Variants in HECW2 observed in about 807,000 individuals in gnomAD.
The protein encoded by HECW2 is HECT, C2 and WW domain containing E3 ubiquitin protein ligase 2.
HECW2 carries 61 observed loss-of-function variants against 175.2 expected under a neutral mutation model. The ratio of observed to expected loss-of-function variants is 0.35; its 90% CI spans 0.28 to 0.43. HECW2 has a LOEUF of 0.43. Among genes scored for constraint, HECW2 ranks in the 20% least tolerant of loss-of-function variants. The probability of loss-of-function intolerance (pLI) is 1.00; values close to 1 mark genes in which losing one functional copy is unlikely to be tolerated. For missense variants in HECW2, 1,524 were observed against 2,000.5 expected, an observed-to-expected ratio of 0.76 and a Z score of 4.54; for synonymous variants, 671 against 731.0, an observed-to-expected ratio of 0.92 and a Z score of 1.32.
Position 196,319,229 on chromosome 2 carries a change from G to A in HECW2, c.1661C>T (p.Pro554Leu), listed in dbSNP as rs772769670. 2 of 1,597,262 alleles carry A rather than the reference G, an allele frequency of 1.3e-6. No individual in the cohort carries two copies. Among genetic ancestry groups the A allele is most frequent in the Non-Finnish European group, 1.7e-6 (2 of 1,172,176 alleles). ...CTGGTCAGCACTGGGTTGAGGCTCT[G>A]GGCCGCCTTCACCTTCCTCTGGGGC... ...GPAPEEGEGG[P>L]EPQPSADQGS... Residue 554 changes from proline to leucine, a missense_variant, in exon 9 of 29, where the codon CCA becomes CTA. Transcript: ENST00000644978.
At chr2:196,383,211 G>C (rs997898239) in intron 2 of HECW2, among the ~76,000 whole-genome samples, 1 of 152,216 alleles carries the variant, frequency 6.6e-6, no homozygotes, top group African/African-American at 2.4e-5. Context: ...ACTGCTGCCA[G>C]CAACATTAAA....
intron 2 of HECW2, among the ~76,000 whole-genome samples, chr2:196,395,595 C>T (rs767963543): frequency 1.3e-4 from 19 of 151,936 alleles, no homozygotes; most frequent in Non-Finnish European, 2.6e-4. Flanking sequence ...CAAATGACCA[C>T]TAAGCACATT....
At chr2:196,229,998 C>T (rs1257214510) in intron 21 of HECW2, among the ~76,000 whole-genome samples, 2 of 152,188 alleles carry the variant, frequency 1.3e-5, no homozygotes, top group African/African-American at 4.8e-5. Flanking sequence ...AAAATCCTCA[C>T]ACCCATACTG....
intron 1 of HECW2, among the ~76,000 whole-genome samples, chr2:196,495,797 A>G (rs951416462): frequency 6.6e-6 from 1 of 152,250 alleles, no homozygotes; most frequent in Non-Finnish European, 1.5e-5. Context: ...CTCTTAGCAC[A>G]GGGCACAGGC....
At chr2:196,448,027 C>T (rs1479884223) in intron 1 of HECW2, among the ~76,000 whole-genome samples, 1 of 152,194 alleles carries the variant, frequency 6.6e-6, no homozygotes, top group East Asian at 1.9e-4. Flanking sequence ...CCACTGCACT[C>T]CATCCTCGGC....
At chr2:196,260,225 T>TG (rs1285325769) in intron 17 of HECW2, 1 of 152,224 alleles carries the variant, frequency 6.6e-6, no homozygotes, top group African/African-American at 2.4e-5. Flanking sequence ...TGAAGGCAAC[T>TG]GGTCTGATTT....
chr2:196,569,038 TG>T (rs1318864966), intron 1 of HECW2, among the ~76,000 whole-genome samples: 1 of 152,230 alleles, frequency 6.6e-6, no homozygotes, highest in Non-Finnish European at 1.5e-5. Flanking sequence ...TTCACAGCTT[TG>T]TTATAAAATA....
In HECW2 at chr2:196,433,407, C is replaced by G; in HGVS notation, c.17G>C (p.Arg6Pro). MASSA[R>P]EHLLFVRRRN... ...ACGCCTCACAAAAAGCAGGTGCTCCCGGGCTGAACTAGCCATCCCGTCTGC... is the reference window on the plus strand; with the variant it reads ...ACGCCTCACAAAAAGCAGGTGCTCCGGGGCTGAACTAGCCATCCCGTCTGC... Residue 6 changes from arginine (R) to proline (P), a missense_variant, in exon 2 of 29, where the codon CGG becomes CCG. By Grantham distance (103) the Arg-to-Pro change is moderately radical (BLOSUM62 -2). Coordinates refer to ENST00000644978, the MANE Select transcript of HECW2 (RefSeq NM_001348768.2). The G allele has an allele frequency of 6.2e-7, 1 of 1,613,588 alleles. No homozygotes were observed. The highest frequency in any genetic ancestry group is 8.5e-7 in the Non-Finnish European group (1 of 1,179,740).
At chr2:196,513,014 T>C (rs538494883) in intron 1 of HECW2, among the ~76,000 whole-genome samples, 75 of 152,250 alleles carry the variant, frequency 4.9e-4, no homozygotes, top group African/African-American at 1.8e-3. Flanking sequence ...TAATATACTA[T>C]TAGCACAAGA....
chr2:196,449,421 G>A (rs1014881457), intron 1 of HECW2, among the ~76,000 whole-genome samples: 5 of 152,186 alleles, frequency 3.3e-5, no homozygotes, highest in African/African-American at 1.2e-4. Context: ...AATGATTTCT[G>A]CAGAATAGAT....
intron 7 of HECW2, among the ~76,000 whole-genome samples, chr2:196,321,753 C>T (rs1320444013): frequency 6.6e-6 from 1 of 152,152 alleles, no homozygotes; most frequent in Non-Finnish European, 1.5e-5. Context: ...AATCACTCCA[C>T]CTCTGCCCTC....
chr2:196,405,690 T>C (rs1306323014), intron 2 of HECW2, among the ~76,000 whole-genome samples: 1 of 152,246 alleles, frequency 6.6e-6, no homozygotes, highest in Non-Finnish European at 1.5e-5. Flanking sequence ...TATTCATTAA[T>C]GTGCAAACAT....
chr2:196,240,824 A>C (rs1688423341), intron 20 of HECW2, among the ~76,000 whole-genome samples: 1 of 122,154 alleles, frequency 8.2e-6, no homozygotes, highest in African/African-American at 2.9e-5. Flanking sequence ...TAAATGGTCA[A>C]ATCAGTTTAT....
rs202177077 is a variant in HECW2, at chr2:196,220,779, T to A, written c.4293+16A>T. On this transcript the variant is annotated intron_variant, in intron 25 of 28. Coordinates refer to ENST00000644978, the MANE Select transcript of HECW2 (RefSeq NM_001348768.2). ...ATATCAGACTGCAAACTCCTCCTAC[T>A]GCTGATTGTCTTTACCTCATAGAAG... 60 of 1,613,740 alleles carry A rather than the reference T, an allele frequency of 3.7e-5. No individual in the cohort carries two copies. The Middle Eastern group carries it at 4.9e-4, about 13-fold the overall frequency.
rs761381021 is a variant in HECW2, at chr2:196,199,716, C to G, written c.*1561G>C. 2 of 152,140 alleles carry G rather than the reference C, an allele frequency of 1.3e-5. No homozygotes were observed. The highest frequency in any genetic ancestry group is 2.4e-5 in the African/African-American group (1 of 41,430). 9.4% of individuals were successfully genotyped at this position (152,140 alleles called of 1,614,324 possible). A position where few individuals can be genotyped will look rare whatever the true frequency, so the allele number is the denominator to read the frequency against. On this transcript the variant is annotated 3_prime_UTR_variant, in exon 29 of 29. Transcript: ENST00000644978. ...AATTTAACTTCACTCTATTGAAAAT[C>G]TGATTAGTCAAGAAATAAACAAAGA...
rs567734816 is a variant in HECW2 at position 196,453,642 on chromosome 2, T to C, written c.-35-20184A>G. On this transcript the variant is annotated intron_variant, in intron 1 of 28. Transcript: ENST00000644978. ...TCTGCTTTAACAGTCAGTGATAGCT[T>C]ATATTTAGTTACTTTAACAGAGTTC... Among the ~76,000 whole-genome samples, 17 of 152,334 alleles carry C rather than the reference T, an allele frequency of 1.1e-4. No homozygotes were observed. In the South Asian group the frequency reaches 3.5e-3, roughly 32 times the overall value.
intron 2 of HECW2, among the ~76,000 whole-genome samples, chr2:196,418,034 A>G (rs1277497163): frequency 6.6e-6 from 1 of 152,206 alleles, no homozygotes; most frequent in Non-Finnish European, 1.5e-5. Flanking sequence ...TAGGTTAGTC[A>G]TTCATTAACA....
chr2:196,341,787 T>G (rs1692760461), intron 3 of HECW2, among the ~76,000 whole-genome samples: 1 of 152,222 alleles, frequency 6.6e-6, no homozygotes, highest in African/African-American at 2.4e-5. Context: ...GAAGCAGGAT[T>G]AGAGAAAGTT....
At chr2:196,546,574 A>G (rs1452468817) in intron 1 of HECW2, among the ~76,000 whole-genome samples, 2 of 152,224 alleles carry the variant, frequency 1.3e-5, no homozygotes, top group East Asian at 3.9e-4. Context: ...TAACCTTTGC[A>G]AAATGTATCC....
Sources: allele counts gnomAD v4.1 joint callset (sites outside exome capture counted in the v4.1 genomes callset), GRCh38; gene constraint gnomAD v4.1.1; transcripts MANE v1.5; gene names NCBI Gene and HGNC (gene_info 2026-07-23, HGNC 2026-07-21).